Variants in PIK3R4 observed in about 807,000 individuals in gnomAD.
PIK3R4 encodes the protein phosphoinositide 3-kinase regulatory subunit 4.
PIK3R4 carries 46 observed loss-of-function variants against 136.5 expected under a neutral mutation model. The observed-to-expected ratio is 0.34, with a 90% CI of 0.27 to 0.43. The LOEUF (loss-of-function observed/expected upper bound fraction) is 0.43, where lower values mean the gene tolerates loss of function less well. Among genes scored for constraint, PIK3R4 ranks in the 20% least tolerant of loss-of-function variants. The pLI, the probability that PIK3R4 is intolerant of heterozygous loss-of-function variation, is 1.00. For synonymous variants in PIK3R4, 557 were observed against 566.7 expected (o/e 0.98, Z 0.24); for missense variants, 1,331 against 1,649.5 (o/e 0.81, Z 3.35).
chr3:130,739,557 G>C (rs557023613), intron 2 of PIK3R4, among the ~76,000 whole-genome samples: 70 of 151,906 alleles, frequency 4.6e-4, no homozygotes, highest in Non-Finnish European at 7.4e-4. Flanking sequence ...ATTTTTTGTA[G>C]AGACAGGGTT....
rs558215762 is a variant in PIK3R4 at position 130,736,505 on chromosome 3, T to C, written c.734-503A>G. On this transcript the variant is annotated intron_variant, in intron 2 of 19. Transcript: ENST00000356763. ...AATCACTTAAACCCAGGAGATGAGG[T>C]AGAGAGAGGCAGAGGCTGCAATGAG... Among the ~76,000 whole-genome samples, 5 of 151,276 alleles carry C rather than the reference T, an allele frequency of 3.3e-5. No homozygotes were observed. In the East Asian group the frequency reaches 7.8e-4, roughly 23 times the overall value.
chr3:130,695,399 A>C (rs898996418), intron 13 of PIK3R4, among the ~76,000 whole-genome samples: 1 of 152,180 alleles, frequency 6.6e-6, no homozygotes, highest in Admixed American at 6.5e-5. Flanking sequence ...CCTGTGGTCA[A>C]CCGCAGTCAG....
intron 13 of PIK3R4, among the ~76,000 whole-genome samples, chr3:130,702,485 A>G (rs2066580760): frequency 1.3e-5 from 2 of 152,216 alleles, no homozygotes; most frequent in South Asian, 4.1e-4. Flanking sequence ...TTTTTAAATT[A>G]TTTTAGTTAT....
chr3:130,740,648 G>A lies in PIK3R4; in HGVS notation c.733+3838C>T, dbSNP rs145888550. ...CCAGCTACTCAGGAGGCAGCAGCAT[G>A]ATACCCAGGAGGTGGAAGTTGCAAT... On this transcript the variant is annotated intron_variant, in intron 2 of 19. Transcript: ENST00000356763. 5.3e-5 allele frequency among the ~76,000 whole-genome samples: 8 copies of A among 152,198 alleles called. No individual in the cohort carries two copies. The East Asian group carries it at 1.5e-3, about 29-fold the overall frequency.
At chr3:130,698,037 C>A (rs1406735931) in intron 13 of PIK3R4, among the ~76,000 whole-genome samples, 1 of 152,190 alleles carries the variant, frequency 6.6e-6, no homozygotes, top group African/African-American at 2.4e-5. Context: ...AACACACTGA[C>A]TTCTGGCCTC....
intron 7 of PIK3R4, among the ~76,000 whole-genome samples, chr3:130,721,262 G>T (rs2066698550): frequency 6.6e-6 from 1 of 151,812 alleles, no homozygotes; most frequent in Admixed American, 6.6e-5. Context: ...GCGTGAACCT[G>T]GGAGGCGGAG....
intron 7 of PIK3R4, among the ~76,000 whole-genome samples, chr3:130,722,541 C>A (rs1383524431): frequency 1.3e-5 from 2 of 151,826 alleles, no homozygotes; most frequent in Admixed American, 6.6e-5. Flanking sequence ...AAATAATTTC[C>A]AAAAATTATT....
chr3:130,723,393 T>A, intron 7 of PIK3R4, 21 bp downstream of exon 7: 1 of 1,580,986 alleles, frequency 6.3e-7, no homozygotes, highest in Non-Finnish European at 8.6e-7. Context: ...CTCATTCTAA[T>A]TTTGAGAAAC....
chr3:130,687,748 G>A (rs1237837107), intron 14 of PIK3R4, among the ~76,000 whole-genome samples: 1 of 152,086 alleles, frequency 6.6e-6, no homozygotes, highest in Non-Finnish European at 1.5e-5. Context: ...TTCCAACTTT[G>A]CCCACTGGAA....
chr3:130,714,188 G>A (rs1033741654), intron 9 of PIK3R4, among the ~76,000 whole-genome samples: 2 of 152,056 alleles, frequency 1.3e-5, no homozygotes, highest in Admixed American at 6.6e-5. Flanking sequence ...CATATCTAAC[G>A]TACAAGCCAA....
Position 130,744,658 on chromosome 3 carries a change from A to G in PIK3R4, c.561T>C (p.Phe187=). 1 of 1,614,256 alleles carries G rather than the reference A, an allele frequency of 6.2e-7. No homozygotes were observed. Among genetic ancestry groups the G allele is most frequent in the Non-Finnish European group, 8.5e-7 (1 of 1,180,050 alleles). ...EDNPADFNYF[F]DTSRRRTCYI... ...AGCAAGTTCTCCTCCGTGATGTGTC[A>G]AAGAAATAATTGAAATCTGCCGGGT... Residue 187 remains phenylalanine, a synonymous_variant, in exon 2 of 20, where the codon TTT becomes TTC. Coordinates refer to ENST00000356763, the MANE Select transcript of PIK3R4 (RefSeq NM_014602.3).
intron 13 of PIK3R4, among the ~76,000 whole-genome samples, chr3:130,691,999 T>C (rs1175105874): frequency 6.7e-6 from 1 of 150,246 alleles, no homozygotes; most frequent in African/African-American, 2.4e-5. Flanking sequence ...CTCAGCCTCC[T>C]GAGTAGTTGG....
intron 13 of PIK3R4, among the ~76,000 whole-genome samples, chr3:130,700,344 T>C (rs942990473): frequency 5.9e-5 from 9 of 152,230 alleles, no homozygotes; most frequent in African/African-American, 2.2e-4. Flanking sequence ...TTAGATATTT[T>C]ACTACCACCC....
intron 10 of PIK3R4, among the ~76,000 whole-genome samples, chr3:130,707,410 A>C (rs1459729574): frequency 6.6e-6 from 1 of 152,202 alleles, no homozygotes; most frequent in Non-Finnish European, 1.5e-5. Context: ...AATTTCAAGT[A>C]ACCACTATAT....
chr3:130,687,172 C>T (rs1014856684), intron 14 of PIK3R4, among the ~76,000 whole-genome samples: 1 of 151,206 alleles, frequency 6.6e-6, no homozygotes, highest in South Asian at 2.1e-4. Flanking sequence ...TTCATATATA[C>T]CTTATACACC....
rs746869437 is a variant in PIK3R4 at position 130,681,545 on chromosome 3, A to C, written c.3654T>G (p.Gly1218=). Reference sequence around the variant, plus strand: ...TGGCCCAGAGAGTAAATCTTCTGTCACCAGTCTCCATGTCCCACATGGACA... The same window carrying C: ...TGGCCCAGAGAGTAAATCTTCTGTCCCCAGTCTCCATGTCCCACATGGACA... ...NEVSMWDMET[G]DRRFTLWASS... is the part of the protein sequence containing the mutation. The change falls in exon 17 of 20, where the codon GGT becomes GGG. Residue 1218 remains glycine (G), a synonymous_variant. Transcript: ENST00000356763. The C allele has an allele frequency of 1.2e-6, 2 of 1,613,198 alleles. No individual in the cohort carries two copies. Among genetic ancestry groups the C allele is most frequent in the Non-Finnish European group, 1.7e-6 (2 of 1,179,218 alleles).
Position 130,679,306 on chromosome 3 carries a change from CAGT to C in PIK3R4, c.*6_*8del. Reference sequence around the variant, plus strand: ...TATAACTATTAAAATTTATACAAATCAGTAGGTTTTATTTCCACACCTTCACAA... The same window carrying C: ...TATAACTATTAAAATTTATACAAATCAGGTTTTATTTCCACACCTTCACAA... On this transcript the variant is annotated 3_prime_UTR_variant, in exon 20 of 20. Coordinates refer to ENST00000356763, the MANE Select transcript of PIK3R4 (RefSeq NM_014602.3). 2.6e-6 allele frequency: 4 copies of C among 1,539,546 alleles called. No individual in the cohort carries two copies. The highest frequency in any genetic ancestry group is 3.5e-6 in the Non-Finnish European group (4 of 1,130,324).
At position 130,708,336 on chromosome 3, in the gene PIK3R4, G is replaced by A; in HGVS notation, c.2488C>T (p.Gln830Ter). The A allele has an allele frequency of 6.2e-7, 1 of 1,613,772 alleles. No homozygotes were observed. The highest frequency in any genetic ancestry group is 8.5e-7 in the Non-Finnish European group (1 of 1,179,766). Residue 830 changes from glutamine (Q) to a stop codon, truncating the protein, a stop_gained, in exon 10 of 20, where the codon CAA becomes TAA. Transcript: ENST00000356763. LOFTEE classifies it high-confidence loss of function. ...TGTTTGGTTTTAACAAGATCAACTT[G>A]TCTCCCAGTTATGCCTAAAGCTGCC... Reference protein sequence around the residue: ...DLAALGITGRQVDLVKTKQEP... With the variant: ...DLAALGITGR
intron 13 of PIK3R4, 25 bp from the exon 14 acceptor site, chr3:130,690,679 A>T: frequency 6.8e-7 from 1 of 1,479,630 alleles, no homozygotes; most frequent in Non-Finnish European, 9.3e-7. Flanking sequence ...AATAAAATTC[A>T]TTTATGAACC....
Sources: gnomAD v4.1 joint callset for allele counts (sites outside exome capture counted in the v4.1 genomes callset) on GRCh38, gnomAD v4.1.1 for gene constraint, MANE v1.5 for transcripts, NCBI Gene and HGNC (gene_info 2026-07-23, HGNC 2026-07-21) for gene names.